PDE10A: variants seen among roughly 807,000 people sequenced by gnomAD.
The protein encoded by PDE10A is phosphodiesterase 10A.
Under a neutral mutation model 97.7 loss-of-function variants are expected in PDE10A, and 39 were observed. The ratio of observed to expected loss-of-function variants is 0.40; its 90% CI spans 0.31 to 0.52. PDE10A has a LOEUF of 0.52. Ranked by LOEUF, PDE10A falls within the 20% of genes least tolerant of loss-of-function variation. The pLI is 0.56. For synonymous variants in PDE10A, 371 were observed against 376.8 expected, an observed-to-expected ratio of 0.98 and a Z score of 0.18; for missense variants, 731 against 1,047.8, an observed-to-expected ratio of 0.70 and a Z score of 4.17.
chr6:165,404,579 A>G (rs1481780783), intron 13 of PDE10A, among the ~76,000 whole-genome samples: 1 of 152,288 alleles, frequency 6.6e-6, no homozygotes, highest in Admixed American at 6.5e-5. Flanking sequence ...CCTGGGGCAC[A>G]TGGAAAACAT....
intron 1 of PDE10A, among the ~76,000 whole-genome samples, chr6:165,945,551 C>G (rs1010564354): frequency 2.6e-5 from 4 of 152,162 alleles, no homozygotes; most frequent in Non-Finnish European, 5.9e-5. Flanking sequence ...GTGTAGCCTT[C>G]ATGAATGGGA....
At chr6:165,779,041 G>A (rs768522672) in intron 1 of PDE10A, among the ~76,000 whole-genome samples, 23 of 152,098 alleles carry the variant, frequency 1.5e-4, no homozygotes, top group African/African-American at 3.4e-4. Context: ...CAAGTTTAAC[G>A]ATAATTTCTT....
intron 1 of PDE10A, among the ~76,000 whole-genome samples, chr6:165,928,641 C>A (rs1229706611): frequency 6.6e-6 from 1 of 152,218 alleles, no homozygotes; most frequent in Non-Finnish European, 1.5e-5. Flanking sequence ...AAAGGCAAAG[C>A]TGTCTTCATA....
chr6:165,619,387 G>C (rs1179447069), intron 1 of PDE10A, among the ~76,000 whole-genome samples: 2 of 128,928 alleles, frequency 1.6e-5, no homozygotes, highest in Non-Finnish European at 3.4e-5. Flanking sequence ...GTGTAGTCTA[G>C]TATAGTGTAG....
In PDE10A at chr6:165,826,029, C is replaced by G. The variant is rs146779052; in HGVS notation, c.-615+161500G>C. The stretch of plus-strand genomic sequence containing the variant: ...GTCTTCTCAAGCTCCTGAGACACCC[C>G]CTGTGACCTCAGTTCCAGTTCTTTA... On this transcript the variant is annotated intron_variant, in intron 1 of 19. Coordinates refer to the PDE10A transcript ENST00000366882. Among the ~76,000 whole-genome samples, 1,059 of 152,314 alleles carry G rather than the reference C, an allele frequency of 7.0e-3. 4 individuals carry two copies. Among genetic ancestry groups the G allele is most frequent in the African/African-American group, 0.024 (1,006 of 41,560 alleles).
chr6:165,333,059 G>C lies in PDE10A; in HGVS notation c.3134C>G (p.Ser1045Cys). 1 of 1,612,912 alleles carries C rather than the reference G, an allele frequency of 6.2e-7. No individual in the cohort carries two copies. The highest frequency in any genetic ancestry group is 8.5e-7 in the Non-Finnish European group (1 of 1,178,976). Residue 1045 changes from serine (S) to cysteine (C), a missense_variant, in exon 22 of 22, where the codon TCC (serine) becomes TGC (cysteine). Physicochemically the swap from Ser to Cys is moderately radical, Grantham distance 112. Coordinates refer to ENST00000539869, the MANE Select transcript of PDE10A (RefSeq NM_001385079.1). ...EETATWISSP[S>C]VAQKAAASED ...AGATGCAGCTGCCTTCTGAGCCACG[G>C]ATGGGGATGAAATCCAGGTTGCAGT... is the stretch of plus-strand genomic sequence containing the variant.
At chr6:165,336,055 C>A in intron 21 of PDE10A, 68 bp downstream of exon 21, 1 of 1,231,132 alleles carries the variant, frequency 8.1e-7, no homozygotes, top group African/African-American at 1.5e-5. Context: ...TAGTGGGGTA[C>A]AAAAATCCTA....
intron 1 of PDE10A, among the ~76,000 whole-genome samples, chr6:165,933,631 G>A (rs2128491174): frequency 6.6e-6 from 1 of 152,290 alleles, no homozygotes; most frequent in South Asian, 2.1e-4. Flanking sequence ...TCCCCCTGAG[G>A]AAACTCTCCC....
At chr6:165,810,937 G>T (rs981103541) in intron 1 of PDE10A, among the ~76,000 whole-genome samples, 3 of 152,120 alleles carry the variant, frequency 2.0e-5, no homozygotes, top group Non-Finnish European at 4.4e-5. Flanking sequence ...GTTAAAAAAA[G>T]AAAACAGGCC....
intron 1 of PDE10A, among the ~76,000 whole-genome samples, chr6:165,800,620 G>A (rs1448668094): frequency 2.0e-5 from 3 of 152,110 alleles, no homozygotes; most frequent in Non-Finnish European, 1.5e-5. Flanking sequence ...CCCACCCCCC[G>A]ACTTTACGGT....
intron 1 of PDE10A, among the ~76,000 whole-genome samples, chr6:165,677,105 A>G (rs1390440914): frequency 6.6e-6 from 1 of 152,212 alleles, no homozygotes; most frequent in African/African-American, 2.4e-5. Context: ...CCCAGTCTAG[A>G]TGTTGCTGTG....
intron 18 of PDE10A, among the ~76,000 whole-genome samples, chr6:165,370,597 C>T (rs1414425775): frequency 2.7e-5 from 4 of 149,316 alleles, no homozygotes; most frequent in African/African-American, 9.9e-5. Flanking sequence ...GAGTGACCTA[C>T]AAAGAGACTT....
At chr6:165,481,987 G>C (rs1779629664) in intron 3 of PDE10A, among the ~76,000 whole-genome samples, 1 of 152,170 alleles carries the variant, frequency 6.6e-6, no homozygotes, top group Non-Finnish European at 1.5e-5. Flanking sequence ...CCCTGTGAGA[G>C]TTATCTTACC....
chr6:165,745,854 C>T (rs1045160092), intron 1 of PDE10A, among the ~76,000 whole-genome samples: 32 of 152,172 alleles, frequency 2.1e-4, no homozygotes, highest in African/African-American at 7.2e-4. Flanking sequence ...AAAAGAGAGG[C>T]AGGGTTACTC....
rs1040409189 is a variant in PDE10A at position 165,711,983 on chromosome 6, G to A, written c.-614-168415C>T. ...CATCCAACTCTTGGACCCCACAGGT[G>A]GCCACTGTGAATTCCTCACTGGTCT... On this transcript the variant is annotated intron_variant, in intron 1 of 19. Transcript: ENST00000366882. The surrounding 1 kb of genome is among the most constrained non-coding windows in gnomAD (Gnocchi z 4.5). Among the ~76,000 whole-genome samples the A allele has an allele frequency of 2.0e-5, 3 of 152,118 alleles. No homozygotes were observed. The highest frequency in any genetic ancestry group is 2.0e-4 in the Admixed American group (3 of 15,280).
intron 1 of PDE10A, among the ~76,000 whole-genome samples, chr6:165,783,736 G>A (rs948275549): frequency 3.3e-5 from 5 of 152,166 alleles, no homozygotes; most frequent in African/African-American, 1.2e-4. Context: ...CAAAGACTGA[G>A]ATCTAGGAAC....
chr6:165,599,589 T>A (rs1307928586), intron 1 of PDE10A, among the ~76,000 whole-genome samples: 1 of 152,248 alleles, frequency 6.6e-6, no homozygotes, highest in African/African-American at 2.4e-5. Flanking sequence ...TTTAGTATCA[T>A]AAAACTTCTT....
At chr6:165,340,779 TA>T (rs1158977651) in intron 19 of PDE10A, among the ~76,000 whole-genome samples, 1 of 152,108 alleles carries the variant, frequency 6.6e-6, no homozygotes, top group Non-Finnish European at 1.5e-5. Context: ...AAATGGCAGC[TA>T]GGGGCTGAGA....
chr6:165,967,907 C>G (rs1354551934), intron 1 of PDE10A, among the ~76,000 whole-genome samples: 1 of 152,176 alleles, frequency 6.6e-6, no homozygotes, highest in Non-Finnish European at 1.5e-5. Flanking sequence ...ATAGCACTCC[C>G]CAAAACTGCA....
Sources: gnomAD v4.1 joint callset for allele counts (sites outside exome capture counted in the v4.1 genomes callset) on GRCh38, gnomAD v4.1.1 for gene constraint, Gnocchi (gnomAD v3.1) non-coding constraint, MANE v1.5 for transcripts, NCBI Gene and HGNC (gene_info 2026-07-23, HGNC 2026-07-21) for gene names.